The following RNF17 variants were observed in gnomAD, a reference collection of about 807,000 sequenced individuals.
RNF17 encodes ring finger protein 17.
In RNF17, 31 loss-of-function variants were observed where a neutral mutation model predicts 200.5. The ratio of observed to expected loss-of-function variants is 0.15; its 90% CI spans 0.12 to 0.21. The LOEUF is 0.21. RNF17 is among the 10% of genes least tolerant of loss of function. The pLI, the probability that RNF17 is intolerant of heterozygous loss-of-function variation, is 1.00. For missense variants in RNF17, 1,628 were observed against 1,905.1 expected, an observed-to-expected ratio of 0.85 and a Z score of 2.71; for synonymous variants, 606 against 637.8, an observed-to-expected ratio of 0.95 and a Z score of 0.75.
intron 32 of RNF17, 76 bp downstream of exon 32, chr13:24,870,815 G>A: frequency 8.4e-7 from 1 of 1,196,980 alleles, no homozygotes; most frequent in South Asian, 1.4e-5. Flanking sequence ...GATGACCTTG[G>A]GCTATCTCTA....
At chr13:24,767,574 C>A (rs1241618451) in intron 2 of RNF17, among the ~76,000 whole-genome samples, 3 of 151,908 alleles carry the variant, frequency 2.0e-5, no homozygotes, top group African/African-American at 7.3e-5. Flanking sequence ...ATGGGGAAAC[C>A]CCGTCTCTAC....
At chr13:24,845,940 G>A (rs1040625368) in intron 22 of RNF17, among the ~76,000 whole-genome samples, 7 of 152,096 alleles carry the variant, frequency 4.6e-5, no homozygotes, top group African/African-American at 1.7e-4. Context: ...TGAAAGGAGG[G>A]GAAAGGGCCA....
the RNF17 span, among the ~76,000 whole-genome samples, chr13:24,752,637 T>C: frequency 6.6e-6 from 1 of 152,208 alleles, no homozygotes; most frequent in East Asian, 1.9e-4. Flanking sequence ...TGGAGGAACA[T>C]AGATGGCCCG....
chr13:24,779,841 T>TAATAACTCAGTGCTA, intron 5 of RNF17, 94 bp downstream of exon 5: 1 of 898,206 alleles, frequency 1.1e-6, no homozygotes, highest in Non-Finnish European at 1.8e-6. Context: ...GGTTAGAGCT[T>TAATAACTCAGTGCTA]AGCACTGAGT....
chr13:24,825,946 T>C (rs1888577941), intron 16 of RNF17, 174 bp downstream of exon 16: 5 of 984,302 alleles, frequency 5.1e-6, no homozygotes, highest in Non-Finnish European at 4.8e-6. Context: ...TCTTCTGATA[T>C]TTTGTTTGAC....
intron 16 of RNF17, among the ~76,000 whole-genome samples, chr13:24,827,864 T>C (rs1406371981): frequency 6.6e-6 from 1 of 151,936 alleles, no homozygotes; most frequent in Non-Finnish European, 1.5e-5. Context: ...AGACACTGTA[T>C]CCTCTGATGC....
At chr13:24,786,469 C>T (rs115876460) in intron 6 of RNF17, among the ~76,000 whole-genome samples, 2,381 of 152,134 alleles carry the variant, frequency 0.016, 62 homozygotes, top group African/African-American at 0.054. Flanking sequence ...TTTATGTTTG[C>T]CCATGTATTT....
At chr13:24,812,061 C>T (rs995705748) in intron 15 of RNF17, among the ~76,000 whole-genome samples, 26 of 151,550 alleles carry the variant, frequency 1.7e-4, no homozygotes, top group Non-Finnish European at 2.7e-4. Flanking sequence ...CAGACAGGGA[C>T]GTTTAAGTCT....
rs1885375174 is a variant in RNF17, at chr13:24,802,539, T to C, written c.1917T>C (p.Leu639=). 1.2e-6 allele frequency: 2 copies of C among 1,611,144 alleles called. No homozygotes were observed. The highest frequency in any genetic ancestry group is 2.7e-5 in the African/African-American group (2 of 74,734). ...NKISSDMPVS[L]RDALVFMELA... ...TAAGCAGTGATATGCCTGTGTCTCT[T>C]AGAGATGCGCTAGTTTTTATGGAAC... Residue 639 remains leucine, a synonymous_variant, in exon 14 of 36, where the codon CTT becomes CTC. Coordinates refer to ENST00000255324, the MANE Select transcript of RNF17 (RefSeq NM_031277.3).
At chr13:24,884,054 T>C (rs773407596), downstream of RNF17, 9 of 1,613,766 alleles carry the variant, frequency 5.6e-6, no homozygotes, top group African/African-American at 1.3e-5. Flanking sequence ...GGAAACGTGA[T>C]TTCTTTTCTT....
At chr13:24,886,363 CGT>C in the RNF17 span, 1 of 1,289,164 alleles carries the variant, frequency 7.8e-7, no homozygotes. Flanking sequence ...AGCTGCTGGG[CGT>C]GTGAGGCGGC....
chr13:24,815,206 T>C (rs1212277944), intron 15 of RNF17, among the ~76,000 whole-genome samples: 1 of 152,226 alleles, frequency 6.6e-6, no homozygotes, highest in Non-Finnish European at 1.5e-5. Context: ...TTAGATCTTA[T>C]TTAATATCTT....
In RNF17 at chr13:24,854,095, C is replaced by T. The variant is rs1892223926; in HGVS notation, c.3561C>T (p.Val1187=). Residue 1187 remains valine, a synonymous_variant, in exon 25 of 36, where the codon GTC becomes GTT. Transcript: ENST00000255324. ...IPNMNVFEAT[V]SCVGDDGTIF... is the part of the protein sequence containing the mutation. ...ACATGAACGTATTTGAGGCAACAGT[C>T]AGCTGTGTTGGTGATGATGGAACTA... is the stretch of plus-strand genomic sequence containing the variant. 11 of 1,613,782 alleles carry T rather than the reference C, an allele frequency of 6.8e-6. No individual in the cohort carries two copies. Among genetic ancestry groups the T allele is most frequent in the Non-Finnish European group, 8.5e-6 (10 of 1,179,824 alleles).
At chr13:24,883,118 A>G (rs557622525), downstream of RNF17, 47 of 1,384,630 alleles carry the variant, frequency 3.4e-5, no homozygotes, top group Non-Finnish European at 3.2e-5. Flanking sequence ...TCCACAGTAA[A>G]TGTACATTTT....
rs751664525 is a variant in RNF17 at position 24,862,756 on chromosome 13, A to G, written c.3938A>G (p.Gln1313Arg). Reference protein sequence around the residue: ...WQPDAIEVLQQLLSKRQVDIH... With the variant: ...WQPDAIEVLQRLLSKRQVDIH... ...CCAGATGCAATAGAAGTTCTTCAAC[A>G]ACTGCTTTCAAAGAGACAGGTGGAC... Residue 1313 changes from glutamine (Q) to arginine (R), a missense_variant, in exon 28 of 36, where the codon CAA (glutamine) becomes CGA (arginine). By Grantham distance (43) the Gln-to-Arg change is conservative. Around this residue, in one of 5 missense-constraint regions of RNF17, gnomAD observed 609 missense variants for 681.9 expected, o/e 0.89. Transcript: ENST00000255324. The G allele has an allele frequency of 6.2e-7, 1 of 1,609,278 alleles. No individual in the cohort carries two copies. The highest frequency in any genetic ancestry group is 1.7e-5 in the Admixed American group (1 of 60,016).
intron 19 of RNF17, among the ~76,000 whole-genome samples, chr13:24,843,265 TC>T (rs1358247977): frequency 1.3e-5 from 2 of 152,142 alleles, no homozygotes; most frequent in Non-Finnish European, 2.9e-5. Context: ...ACGCCTGTAA[TC>T]CCAGCACTTT....
chr13:24,885,819 G>C, the RNF17 span: 3 of 657,102 alleles, frequency 4.6e-6, no homozygotes, highest in South Asian at 5.5e-5. Flanking sequence ...TTACTAATTT[G>C]TAGTTCTCCG....
At position 24,800,550 on chromosome 13, in the gene RNF17, A is replaced by G; in HGVS notation, c.1758+16A>G. On this transcript the variant is annotated intron_variant, in intron 13 of 35. Coordinates refer to ENST00000255324, the MANE Select transcript of RNF17 (RefSeq NM_031277.3). ...ACAGAATTCAGTAAGTGAGACTTTA[A>G]TTATTTTTTCCTTCAGAGGTTATTA... 6.2e-7 allele frequency: 1 copy of G among 1,606,914 alleles called. No individual in the cohort carries two copies. The highest frequency in any genetic ancestry group is 8.5e-7 in the Non-Finnish European group (1 of 1,175,404).
rs117335952 is a variant in RNF17, at chr13:24,857,433, T to C, written c.3611-1568T>C. The stretch of plus-strand genomic sequence containing the variant: ...TGGAAGAGAAGCAATATGAACCCGG[T>C]TTCTATAGGCTGCTAAAATGACTCT... On this transcript the variant is annotated intron_variant, in intron 25 of 35. Transcript: ENST00000255324. Among the ~76,000 whole-genome samples, 145 of 152,174 alleles carry C rather than the reference T, an allele frequency of 9.5e-4. 4 individuals carry two copies. The East Asian group carries it at 0.022, about 24-fold the overall frequency.
Sources: allele counts gnomAD v4.1 joint callset (sites outside exome capture counted in the v4.1 genomes callset), GRCh38; gene constraint gnomAD v4.1.1; regional missense constraint gnomAD v4.1.1; transcripts MANE v1.5; gene names NCBI Gene and HGNC (gene_info 2026-07-23, HGNC 2026-07-21).